The following DMD variants were observed in gnomAD, a reference collection of about 807,000 sequenced individuals.
The protein encoded by DMD is dystrophin, also known as mutant dystrophin.
In DMD, 63 loss-of-function variants were observed where a neutral mutation model predicts 330.1. The observed-to-expected ratio is 0.19, with a 90% CI of 0.16 to 0.24. The LOEUF (loss-of-function observed/expected upper bound fraction) is 0.24, where lower values mean the gene tolerates loss of function less well. Ranked by LOEUF, DMD falls within the 10% of genes least tolerant of loss-of-function variation. DMD has a pLI of 1.00. For missense variants in DMD, 3,344 were observed against 2,684.1 expected (o/e 1.25, Z -5.43); for synonymous variants, 1,223 against 959.8 (o/e 1.27, Z -5.07).
At chrX:32,649,843 C>A (rs2060028203) in intron 9 of DMD, among the ~76,000 whole-genome samples, 1 of 110,914 alleles carries the variant, frequency 9.0e-6, no homozygotes. Flanking sequence ...CTCTCTGCAT[C>A]TCAGTTACCC....
At chrX:33,325,917 A>G (rs1266429795) in intron 1 of DMD, among the ~76,000 whole-genome samples, 2 of 111,643 alleles carry the variant, frequency 1.8e-5, no homozygotes, top group African/African-American at 6.5e-5. Flanking sequence ...TTAAATTAAG[A>G]CCTCTGGGGA....
At chrX:31,420,183 T>C (rs1484348506) in intron 60 of DMD, among the ~76,000 whole-genome samples, 8 of 112,545 alleles carry the variant, frequency 7.1e-5, no homozygotes. Context: ...GTGAACAAAG[T>C]AGAAAATAAT....
At chrX:32,670,436 G>C (rs1387401215) in intron 9 of DMD, among the ~76,000 whole-genome samples, 1 of 111,765 alleles carries the variant, frequency 8.9e-6, no homozygotes, top group South Asian at 3.7e-4. Flanking sequence ...AAGATGCCTA[G>C]GTCTATTTTA....
chrX:32,967,009 A>C (rs1046546604), intron 2 of DMD, among the ~76,000 whole-genome samples: 1 of 111,982 alleles, frequency 8.9e-6, no homozygotes, highest in Non-Finnish European at 1.9e-5. Context: ...AGTTTAGGTT[A>C]CAATAAAATT....
intron 19 of DMD, among the ~76,000 whole-genome samples, chrX:32,492,516 T>G (rs2043106901): frequency 1.8e-5 from 2 of 112,407 alleles, no homozygotes. Flanking sequence ...CATATCATTA[T>G]CACCATTACC....
At chrX:32,395,797 T>C (rs1385885358) in intron 30 of DMD, among the ~76,000 whole-genome samples, 1 of 111,095 alleles carries the variant, frequency 9.0e-6, no homozygotes, top group Non-Finnish European at 1.9e-5. Context: ...GTGTGTGTGC[T>C]TAATTTAATG....
In DMD at chrX:32,745,249, A is replaced by T. The variant is rs997665470; in HGVS notation, c.650-45956T>A. 2.7e-5 allele frequency among the ~76,000 whole-genome samples: 3 copies of T among 112,118 alleles called. No homozygotes were observed. The South Asian group carries it at 1.1e-3, about 41-fold the overall frequency. On this transcript the variant is annotated intron_variant, in intron 7 of 78. Coordinates refer to ENST00000357033, the MANE Select transcript of DMD (RefSeq NM_004006.3). Reference sequence around the variant, plus strand: ...ATTACAATGCTTTTTATAACTTCAAACATTCACCCCCATACAAATGCTCTA... The same window carrying T: ...ATTACAATGCTTTTTATAACTTCAATCATTCACCCCCATACAAATGCTCTA...
At chrX:33,227,482 G>A (rs1221482710) in intron 1 of DMD, among the ~76,000 whole-genome samples, 1 of 110,919 alleles carries the variant, frequency 9.0e-6, no homozygotes, top group Non-Finnish European at 1.9e-5. Context: ...AAGATCCAAC[G>A]ATTGCGGTGC....
At chrX:32,610,243 C>A (rs775228153) in intron 12 of DMD, among the ~76,000 whole-genome samples, 4 of 111,211 alleles carry the variant, frequency 3.6e-5, no homozygotes, top group Non-Finnish European at 5.7e-5. Flanking sequence ...CTAAAGCAAA[C>A]CTCTAAATTC....
At chrX:32,973,230 TTTTAAA>T (rs765536022) in intron 2 of DMD, among the ~76,000 whole-genome samples, 31 of 112,381 alleles carry the variant, frequency 2.8e-4, no homozygotes, top group Non-Finnish European at 5.6e-4. Flanking sequence ...ATTCTCGTGA[TTTTAAA>T]TTTAATCATT....
chrX:31,555,273 G>A (rs906482330), intron 55 of DMD, among the ~76,000 whole-genome samples: 6 of 111,436 alleles, frequency 5.4e-5, no homozygotes, highest in African/African-American at 2.0e-4. Context: ...AGAACTCAGT[G>A]GAAAGAGATA....
At chrX:32,831,974 T>G (rs777805010) in intron 4 of DMD, among the ~76,000 whole-genome samples, 1 of 110,722 alleles carries the variant, frequency 9.0e-6, no homozygotes, top group South Asian at 3.8e-4. Flanking sequence ...AGCTACAGGC[T>G]CTAATGAAAA....
At chrX:31,730,063 C>T (rs1248984358) in intron 51 of DMD, among the ~76,000 whole-genome samples, 1 of 111,715 alleles carries the variant, frequency 9.0e-6, no homozygotes, top group African/African-American at 3.3e-5. Context: ...TTCTGAATTA[C>T]GACAATGTAT....
Position 32,828,649 on chromosome X carries a change from A to T in DMD, c.265-5262T>A, listed in dbSNP as rs755596308. On this transcript the variant is annotated intron_variant, in intron 4 of 78. Transcript: ENST00000357033. The stretch of plus-strand genomic sequence containing the variant: ...CATATATACATATGTATACATCTAT[A>T]TACATATATACATACACACACATAT... Among the ~76,000 whole-genome samples, 5 of 110,625 alleles carry T rather than the reference A, an allele frequency of 4.5e-5. No homozygotes were observed. The South Asian group carries it at 1.9e-3, about 42-fold the overall frequency.
At chrX:32,550,134 C>T (rs770152799) in intron 16 of DMD, among the ~76,000 whole-genome samples, 1 of 111,540 alleles carries the variant, frequency 9.0e-6, no homozygotes, top group South Asian at 3.7e-4. Flanking sequence ...CAAACCTGTA[C>T]AGCATGTGAC....
chrX:33,267,438 T>C lies in DMD; in HGVS notation c.7+71821A>G, dbSNP rs139965551. Reference sequence around the variant, plus strand: ...TGGCTATACTGCACAAAACAACTTATAGATTCAATGCTGTCCTTATCAAAC... The same window carrying C: ...TGGCTATACTGCACAAAACAACTTACAGATTCAATGCTGTCCTTATCAAAC... On this transcript the variant is annotated intron_variant, in intron 1 of 17. Transcript: ENST00000288447. Among the ~76,000 whole-genome samples, 575 of 111,055 alleles carry C rather than the reference T, an allele frequency of 5.2e-3. 2 individuals are homozygous for C. The highest frequency in any genetic ancestry group is 8.8e-3 in the Non-Finnish European group (466 of 52,972).
intron 2 of DMD, among the ~76,000 whole-genome samples, chrX:32,851,175 T>TC (rs1225481464): frequency 9.0e-6 from 1 of 110,781 alleles, no homozygotes; most frequent in Non-Finnish European, 1.9e-5. Context: ...CCCTTAAACT[T>TC]CCACGATTAA....
chrX:31,371,942 T>C (rs939891804), intron 60 of DMD, among the ~76,000 whole-genome samples: 1 of 112,062 alleles, frequency 8.9e-6, no homozygotes, highest in South Asian at 3.7e-4. Context: ...GTTTCTGCTT[T>C]TGTATCTAAA....
intron 45 of DMD, among the ~76,000 whole-genome samples, chrX:31,952,398 C>G (rs944222667): frequency 3.6e-5 from 4 of 110,255 alleles, no homozygotes; most frequent in South Asian, 3.9e-4. Context: ...ACTGTTTTAC[C>G]TCTGACATTC....
Sources: allele counts gnomAD v4.1 joint callset (sites outside exome capture counted in the v4.1 genomes callset), GRCh38; gene constraint gnomAD v4.1.1; transcripts MANE v1.5; gene names NCBI Gene and HGNC (gene_info 2026-07-23, HGNC 2026-07-21).